RAB11FIP2: variants seen among roughly 807,000 people sequenced by gnomAD.
The protein encoded by RAB11FIP2 is rab11 family-interacting protein 2.
Under a neutral mutation model 40.9 loss-of-function variants are expected in RAB11FIP2, and 16 were observed. The ratio of observed to expected loss-of-function variants is 0.39; its 90% CI spans 0.26 to 0.59. The LOEUF is 0.59. RAB11FIP2 is among the 20% of genes least tolerant of loss of function. The pLI is 0.53. For missense variants in RAB11FIP2, 532 were observed against 606.2 expected, an observed-to-expected ratio of 0.88 and a Z score of 1.28; for synonymous variants, 228 against 213.7, an observed-to-expected ratio of 1.07 and a Z score of -0.58.
intron 3 of RAB11FIP2, chr10:118,017,756 A>G (rs905087011): frequency 6.6e-6 from 1 of 152,228 alleles, no homozygotes; most frequent in Admixed American, 6.5e-5. Context: ...TATTATGACT[A>G]TACAAATTTC....
At chr10:118,024,263 A>T (rs969774092) in intron 3 of RAB11FIP2, among the ~76,000 whole-genome samples, 1 of 152,094 alleles carries the variant, frequency 6.6e-6, no homozygotes, top group Non-Finnish European at 1.5e-5. Context: ...ATCCAACAAC[A>T]AGCATACAAT....
In RAB11FIP2 at chr10:118,005,222, C is replaced by T. The variant is rs1343808476; in HGVS notation, c.*3776G>A. On this transcript the variant is annotated 3_prime_UTR_variant, in exon 5 of 5. Coordinates refer to ENST00000355624, the MANE Select transcript of RAB11FIP2 (RefSeq NM_014904.3). The stretch of plus-strand genomic sequence containing the variant: ...ACCATCTGGAAGCTTCGAAGACTAA[C>T]AGGCCCACATGTATCATGTATTAGA... 1 of 152,614 alleles carries T rather than the reference C, an allele frequency of 6.6e-6. No homozygotes were observed. Among genetic ancestry groups the T allele is most frequent in the Non-Finnish European group, 1.5e-5 (1 of 68,040 alleles). 9.5% of individuals were successfully genotyped at this position (152,614 alleles called of 1,614,324 possible). A position where few individuals can be genotyped will look rare whatever the true frequency, so the allele number is the denominator to read the frequency against.
intron 1 of RAB11FIP2, chr10:118,045,398 C>T (rs1171180333): frequency 6.1e-6 from 1 of 163,428 alleles, no homozygotes; most frequent in African/African-American, 2.4e-5. Context: ...TTGACAGCTA[C>T]AAAGTGCGAC....
At chr10:118,022,281 T>C (rs1266615083) in intron 3 of RAB11FIP2, among the ~76,000 whole-genome samples, 1 of 152,240 alleles carries the variant, frequency 6.6e-6, no homozygotes, top group African/African-American at 2.4e-5. Flanking sequence ...TGTCTTCTGC[T>C]GACACTACTG....
intron 3 of RAB11FIP2, among the ~76,000 whole-genome samples, chr10:118,021,606 T>C (rs1364919272): frequency 6.6e-6 from 1 of 152,236 alleles, no homozygotes; most frequent in Non-Finnish European, 1.5e-5. Context: ...ATTCATATTC[T>C]TTAATCTGAA....
In RAB11FIP2 at chr10:118,040,435, A is replaced by G; in HGVS notation, c.484T>C (p.Ser162Pro). The G allele has an allele frequency of 6.2e-7, 1 of 1,613,688 alleles. No individual in the cohort carries two copies. Among genetic ancestry groups the G allele is most frequent in the Non-Finnish European group, 8.5e-7 (1 of 1,179,708 alleles). Residue 162 changes from serine to proline, a missense_variant, in exon 2 of 5, where the codon TCT (serine) becomes CCT (proline). Coordinates refer to ENST00000355624, the MANE Select transcript of RAB11FIP2 (RefSeq NM_014904.3). ...TTATCTTTTAACTTTGCAAAAGGAG[A>G]TCTGGTTTTGTCCTTCATTGATAAG... Reference protein sequence around the residue: ...FDLSMKDKTRSPFAKLKDKMK... With the variant: ...FDLSMKDKTRPPFAKLKDKMK...
intron 3 of RAB11FIP2, among the ~76,000 whole-genome samples, chr10:118,035,079 C>G (rs1238669313): frequency 1.3e-5 from 2 of 152,132 alleles, no homozygotes; most frequent in African/African-American, 4.8e-5. Flanking sequence ...GATCCTCTCT[C>G]TCCTCCTGCG....
chr10:118,043,103 G>T (rs993923267), intron 1 of RAB11FIP2, among the ~76,000 whole-genome samples: 5 of 151,906 alleles, frequency 3.3e-5, no homozygotes, highest in African/African-American at 1.2e-4. Context: ...AATTTTTAGT[G>T]GGCACAGGTC....
At chr10:118,029,851 C>T (rs1846391774) in intron 3 of RAB11FIP2, among the ~76,000 whole-genome samples, 1 of 152,088 alleles carries the variant, frequency 6.6e-6, no homozygotes, top group Admixed American at 6.6e-5. Flanking sequence ...CAAATTTACA[C>T]AGGAAATAAC....
rs1846092519 is a variant in RAB11FIP2 at position 118,006,556 on chromosome 10, AACT to A, written c.*2439_*2441del. 1.3e-5 allele frequency: 2 copies of A among 152,126 alleles called. No homozygotes were observed. The highest frequency in any genetic ancestry group is 6.5e-5 in the Admixed American group (1 of 15,268). The allele number at this position is 152,126 out of a possible 1,614,324, so 9.4% of individuals were successfully genotyped here. A position where few individuals can be genotyped will look rare whatever the true frequency, so the allele number is the denominator to read the frequency against. ...CTTTTTCTACAACGTGAGAAATTAA[AACT>A]ACTTTGCACTTCTGCCCAAACACAG... On this transcript the variant is annotated 3_prime_UTR_variant, in exon 5 of 5. Coordinates refer to ENST00000355624, the MANE Select transcript of RAB11FIP2 (RefSeq NM_014904.3).
chr10:118,038,210 A>C (rs1451373290), intron 3 of RAB11FIP2, among the ~76,000 whole-genome samples: 1 of 151,300 alleles, frequency 6.6e-6, no homozygotes, highest in Non-Finnish European at 1.5e-5. Context: ...CCATATTTAA[A>C]TTTATTCCTT....
At chr10:118,037,372 T>C (rs1846494424) in intron 3 of RAB11FIP2, among the ~76,000 whole-genome samples, 1 of 152,132 alleles carries the variant, frequency 6.6e-6, no homozygotes, top group Non-Finnish European at 1.5e-5. Flanking sequence ...CACTTCACTT[T>C]GAAAATTTAA....
Position 118,039,291 on chromosome 10 carries a change from C to T in RAB11FIP2, c.946G>A (p.Ala316Thr), listed in dbSNP as rs1263276105. Residue 316 changes from alanine (A) to threonine (T), a missense_variant, in exon 3 of 5, where the codon GCA becomes ACA. Ala to Thr is a moderately conservative substitution (Grantham distance 58). Coordinates refer to ENST00000355624, the MANE Select transcript of RAB11FIP2 (RefSeq NM_014904.3). Reference sequence around the variant, plus strand: ...GGATTTTTCTTCCTTGGCAGTGTTGCAAATTTTTGGGGTAATGAAGCAGTC... The same window carrying T: ...GGATTTTTCTTCCTTGGCAGTGTTGTAAATTTTTGGGGTAATGAAGCAGTC... Reference protein sequence around the residue: ...NVTASLPQKFATLPRKKNPFE... With the variant: ...NVTASLPQKFTTLPRKKNPFE... The T allele has an allele frequency of 6.2e-7, 1 of 1,613,580 alleles. No individual in the cohort carries two copies. Among genetic ancestry groups the T allele is most frequent in the Non-Finnish European group, 8.5e-7 (1 of 1,179,748 alleles).
At chr10:118,013,951 A>G (rs996342871) in intron 4 of RAB11FIP2, among the ~76,000 whole-genome samples, 1 of 152,106 alleles carries the variant, frequency 6.6e-6, no homozygotes, top group South Asian at 2.1e-4. Flanking sequence ...GATAGAATTC[A>G]TTTTACTATC....
Position 118,029,674 on chromosome 10 carries a change from T to C in RAB11FIP2, c.1265+9298A>G, listed in dbSNP as rs1846389614. 2.0e-5 allele frequency among the ~76,000 whole-genome samples: 3 copies of C among 152,246 alleles called. No homozygotes were observed. The South Asian group carries it at 6.2e-4, about 32-fold the overall frequency. ...GAAATTCAGAAAAAAATCATCCTGA[T>C]GGGCTAGAGTAGCACCACTGAGACA... On this transcript the variant is annotated intron_variant, in intron 3 of 4. Coordinates refer to ENST00000355624, the MANE Select transcript of RAB11FIP2 (RefSeq NM_014904.3).
intron 3 of RAB11FIP2, among the ~76,000 whole-genome samples, chr10:118,030,237 A>G (rs1436485229): frequency 6.6e-6 from 1 of 152,158 alleles, no homozygotes; most frequent in Non-Finnish European, 1.5e-5. Flanking sequence ...CTACCTTAAA[A>G]GTTAAACCAA....
chr10:118,045,234 G>A (rs958001773), intron 1 of RAB11FIP2: 1 of 152,258 alleles, frequency 6.6e-6, no homozygotes, highest in Admixed American at 6.5e-5. Flanking sequence ...CGAAGTTGAG[G>A]ATGTCTGTAC....
chr10:118,018,683 G>A (rs1846249481), intron 3 of RAB11FIP2, among the ~76,000 whole-genome samples: 1 of 152,108 alleles, frequency 6.6e-6, no homozygotes. Context: ...GGAATCACTA[G>A]TATCTCTTCT....
chr10:118,027,464 A>C (rs185495001), intron 3 of RAB11FIP2, among the ~76,000 whole-genome samples: 24 of 152,306 alleles, frequency 1.6e-4, no homozygotes, highest in African/African-American at 5.8e-4. Context: ...GCAGCATTTA[A>C]TTTCTTTGAA....
Sources: gnomAD v4.1 joint callset for allele counts (sites outside exome capture counted in the v4.1 genomes callset) on GRCh38, gnomAD v4.1.1 for gene constraint, MANE v1.5 for transcripts, NCBI Gene and HGNC (gene_info 2026-07-23, HGNC 2026-07-21) for gene names.